PRTFDC1: variants seen among roughly 807,000 people sequenced by gnomAD.
The protein encoded by PRTFDC1 is phosphoribosyl transferase domain containing 1.
Under a neutral mutation model 34.6 loss-of-function variants are expected in PRTFDC1, and 38 were observed. That is an observed-to-expected ratio of 1.10 (90% CI 0.85 to 1.44). PRTFDC1 has a LOEUF of 1.44. Ranked by LOEUF, PRTFDC1 falls within the 40% of genes most tolerant of loss-of-function variation. The pLI is 0.00. For synonymous variants in PRTFDC1, 93 were observed against 98.1 expected (o/e 0.95, Z 0.31); for missense variants, 270 against 283.0 (o/e 0.95, Z 0.33).
rs373214610 is a variant in PRTFDC1, at chr10:24,908,796, A to G, written c.339+28388T>C. 1,004 of 1,417,474 alleles carry G rather than the reference A, an allele frequency of 7.1e-4. 19 individuals are homozygous for G. In the South Asian group the frequency reaches 0.015, roughly 20 times the overall value. The allele number at this position is 1,417,474 out of a possible 1,614,324, so 87.8% of individuals were successfully genotyped here. On this transcript the variant is annotated intron_variant, in intron 3 of 8. Coordinates refer to ENST00000320152, the MANE Select transcript of PRTFDC1 (RefSeq NM_020200.7). ...CAATGGGGTGACTGATGCCACAGCC[A>G]GATAGCCCTCACATCCCCCTTTTCC... is the stretch of plus-strand genomic sequence containing the variant.
chr10:24,866,387 A>G (rs1376923481), intron 4 of PRTFDC1, among the ~76,000 whole-genome samples: 3 of 151,710 alleles, frequency 2.0e-5, no homozygotes, highest in Non-Finnish European at 2.9e-5. Flanking sequence ...AAAAGAAAAA[A>G]AAACTTATTT....
At chr10:24,899,310 A>C (rs1044511347) in intron 3 of PRTFDC1, among the ~76,000 whole-genome samples, 2 of 151,954 alleles carry the variant, frequency 1.3e-5, no homozygotes, top group African/African-American at 2.4e-5. Context: ...CAGTAGTTGG[A>C]CCTCTTCTTC....
chr10:24,931,805 T>A (rs1848976395), intron 3 of PRTFDC1, among the ~76,000 whole-genome samples: 1 of 151,574 alleles, frequency 6.6e-6, no homozygotes, highest in Admixed American at 6.6e-5. Context: ...GAATTAGTAC[T>A]AATTCTACAC....
intron 3 of PRTFDC1, among the ~76,000 whole-genome samples, chr10:24,908,144 C>T (rs6482454): frequency 0.15 from 22,311 of 149,238 alleles, 2,181 homozygotes; most frequent in African/African-American, 0.28. Context: ...CTGAGTACTG[C>T]GAGATCCACA....
At chr10:24,855,416 T>G in intron 6 of PRTFDC1, 52 bp from the exon 7 acceptor site, 1 of 1,587,426 alleles carries the variant, frequency 6.3e-7, no homozygotes, top group Non-Finnish European at 8.6e-7. Context: ...CTCTATGAAT[T>G]GTAAATAGAA....
intron 2 of PRTFDC1, among the ~76,000 whole-genome samples, chr10:24,938,651 G>T (rs1207371797): frequency 6.7e-6 from 1 of 149,648 alleles, no homozygotes; most frequent in African/African-American, 2.4e-5. Context: ...GGATTTGATA[G>T]GAAGTTCCAG....
chr10:24,917,395 C>T (rs748306116), intron 3 of PRTFDC1, among the ~76,000 whole-genome samples: 3 of 152,040 alleles, frequency 2.0e-5, no homozygotes, highest in Non-Finnish European at 2.9e-5. Context: ...TTTTAACTTC[C>T]GAGAAATTTT....
intron 3 of PRTFDC1, chr10:24,908,485 C>G: frequency 6.2e-7 from 1 of 1,610,282 alleles, no homozygotes; most frequent in Non-Finnish European, 8.5e-7. Flanking sequence ...CTACTGTACA[C>G]CTCACTGGAT....
At chr10:24,892,276 T>C (rs1693527007) in intron 3 of PRTFDC1, among the ~76,000 whole-genome samples, 1 of 152,168 alleles carries the variant, frequency 6.6e-6, no homozygotes, top group South Asian at 2.1e-4. Flanking sequence ...CATGAGCCAT[T>C]GCAACTGACC....
rs373417189 is a variant in PRTFDC1, at chr10:24,914,567, T to G, written c.339+22617A>C. Among the ~76,000 whole-genome samples, 15 of 152,282 alleles carry G rather than the reference T, an allele frequency of 9.9e-5. No homozygotes were observed. In the East Asian group the frequency reaches 2.3e-3, roughly 24 times the overall value. ...GAACTTTTTTGCCCTCAGCATCCCA[T>G]GGGTGTGATATTATCTTAACCTTAT... On this transcript the variant is annotated intron_variant, in intron 3 of 8. Coordinates refer to ENST00000320152, the MANE Select transcript of PRTFDC1 (RefSeq NM_020200.7).
intron 7 of PRTFDC1, among the ~76,000 whole-genome samples, chr10:24,854,417 T>C (rs1486360614): frequency 1.3e-5 from 2 of 152,336 alleles, no homozygotes; most frequent in East Asian, 1.9e-4. Flanking sequence ...GTAGAGTCAC[T>C]GGCTAAATGT....
intron 2 of PRTFDC1, among the ~76,000 whole-genome samples, chr10:24,940,612 A>G (rs1207589595): frequency 2.6e-5 from 4 of 152,382 alleles, no homozygotes; most frequent in African/African-American, 9.6e-5. Context: ...GTGGCAATGT[A>G]ACAAGGTGCA....
At chr10:24,943,544 CTTT>C (rs5783911) in intron 1 of PRTFDC1, among the ~76,000 whole-genome samples, 24 of 137,960 alleles carry the variant, frequency 1.7e-4, no homozygotes, top group African/African-American at 4.8e-4. Context: ...GTTTCCCATT[CTTT>C]TTTTTTTTTT....
intron 3 of PRTFDC1, among the ~76,000 whole-genome samples, chr10:24,920,699 T>C (rs1848775235): frequency 6.6e-6 from 1 of 151,428 alleles, no homozygotes; most frequent in East Asian, 1.9e-4. Context: ...TAAAATTCAA[T>C]TTTTTTTTCA....
At chr10:24,898,318 G>T (rs1485145934) in intron 3 of PRTFDC1, among the ~76,000 whole-genome samples, 3 of 147,988 alleles carry the variant, frequency 2.0e-5, no homozygotes, top group African/African-American at 7.4e-5. Context: ...ACAAAAATTA[G>T]CTGGGCCTGG....
intron 3 of PRTFDC1, among the ~76,000 whole-genome samples, chr10:24,887,222 G>C (rs182218785): frequency 0.025 from 3,829 of 151,094 alleles, 72 homozygotes; most frequent in Middle Eastern, 0.068. Context: ...CACCCGCCTC[G>C]GCCTCCCAAA....
intron 3 of PRTFDC1, among the ~76,000 whole-genome samples, chr10:24,877,199 C>T (rs1348668303): frequency 6.6e-6 from 1 of 152,174 alleles, no homozygotes; most frequent in Non-Finnish European, 1.5e-5. Flanking sequence ...CCATGCCCGA[C>T]TAATTTTTTT....
chr10:24,938,847 A>T (rs1298397217), intron 2 of PRTFDC1, among the ~76,000 whole-genome samples: 1 of 152,178 alleles, frequency 6.6e-6, no homozygotes, highest in Non-Finnish European at 1.5e-5. Flanking sequence ...ACATCGAAAG[A>T]TTTGAAAATG....
chr10:24,908,692 G>A (rs1170103461), intron 3 of PRTFDC1: 2 of 1,587,548 alleles, frequency 1.3e-6, no homozygotes, highest in Admixed American at 3.6e-5. Flanking sequence ...GCAGCTTTGG[G>A]AGAGACACAC....
Sources: gnomAD v4.1 joint callset for allele counts (sites outside exome capture counted in the v4.1 genomes callset) on GRCh38, gnomAD v4.1.1 for gene constraint, MANE v1.5 for transcripts, NCBI Gene and HGNC (gene_info 2026-07-23, HGNC 2026-07-21) for gene names.